The following ANKRD31 variants were observed in gnomAD, a reference collection of about 807,000 sequenced individuals.
ANKRD31 encodes the protein ankyrin repeat domain 31, also known as ankyrin repeat domain-containing protein 31.
A neutral mutation model predicts 186.0 loss-of-function variants in ANKRD31; 147 were observed. That is an observed-to-expected ratio of 0.79 (90% CI 0.69 to 0.91). ANKRD31 has a LOEUF of 0.91. Ranked by LOEUF, ANKRD31 falls within the 40% of genes least tolerant of loss-of-function variation. The pLI is 0.00. For missense variants in ANKRD31, 1,986 were observed against 2,148.8 expected (o/e 0.92, Z 1.50); for synonymous variants, 673 against 736.4 (o/e 0.91, Z 1.39).
At chr5:75,079,905 C>G (rs944734734) in intron 25 of ANKRD31, among the ~76,000 whole-genome samples, 1 of 152,066 alleles carries the variant, frequency 6.6e-6, no homozygotes, top group Non-Finnish European at 1.5e-5. Flanking sequence ...GAGTTCGAGA[C>G]CAGCCTGGGC....
chr5:75,071,650 C>G (rs1350898127), intron 25 of ANKRD31, among the ~76,000 whole-genome samples: 1 of 152,012 alleles, frequency 6.6e-6, no homozygotes, highest in Non-Finnish European at 1.5e-5. Context: ...CACCCACCAC[C>G]ACGCCCGGCT....
At chr5:75,106,442 G>T (rs1747337001) in intron 21 of ANKRD31, among the ~76,000 whole-genome samples, 1 of 152,002 alleles carries the variant, frequency 6.6e-6, no homozygotes, top group Admixed American at 6.6e-5. Context: ...GAAAAAGTCA[G>T]CAAGAAGAAG....
At position 75,119,269 on chromosome 5, in the gene ANKRD31, G is replaced by A. The variant is rs143068267; in HGVS notation, c.3877-972C>T. On this transcript the variant is annotated intron_variant, in intron 17 of 25. Transcript: ENST00000506364. The stretch of plus-strand genomic sequence containing the variant: ...CCGTCCTCCCTCTCTCCCCTACCTC[G>A]TAGTCTCAGTATCTACTGTTCTCAT... Among the ~76,000 whole-genome samples, 91 of 152,132 alleles carry A rather than the reference G, an allele frequency of 6.0e-4. 1 individual carries two copies. Among genetic ancestry groups the A allele is most frequent in the African/African-American group, 2.0e-3 (85 of 41,510 alleles).
At chr5:75,231,842 T>C (rs1757968842) in intron 1 of ANKRD31, among the ~76,000 whole-genome samples, 1 of 151,762 alleles carries the variant, frequency 6.6e-6, no homozygotes, top group Admixed American at 6.6e-5. Flanking sequence ...AGTTCAAGGC[T>C]GCAGTGAGCT....
chr5:75,219,104 C>T (rs1757137265), intron 3 of ANKRD31, among the ~76,000 whole-genome samples: 1 of 152,168 alleles, frequency 6.6e-6, no homozygotes, highest in Non-Finnish European at 1.5e-5. Context: ...TCTCTCACCA[C>T]TCCTATTCAA....
rs1196813273 is a variant in ANKRD31 at position 75,230,570 on chromosome 5, A to G, written c.170T>C (p.Met57Thr). 8 of 1,536,122 alleles carry G rather than the reference A, an allele frequency of 5.2e-6. No individual in the cohort carries two copies. The African/African-American group carries it at 8.2e-5, about 16-fold the overall frequency. The change falls in exon 2 of 26, where the codon ATG (methionine) becomes ACG (threonine). Residue 57 changes from methionine (M) to threonine (T), a missense_variant. Transcript: ENST00000506364. Reference sequence around the variant, plus strand: ...AAAAGAATCATTCTCACCTTTGCACATTCCTCTTGTATCAGGATGCAGACT... The same window carrying G: ...AAAAGAATCATTCTCACCTTTGCACGTTCCTCTTGTATCAGGATGCAGACT... ...EFSLHPDTRG[M>T]CKGMPSPEIQ... is the part of the protein sequence containing the mutation.
chr5:75,105,820 C>T (rs1011948958), intron 21 of ANKRD31, among the ~76,000 whole-genome samples: 5 of 152,202 alleles, frequency 3.3e-5, no homozygotes, highest in African/African-American at 1.2e-4. Flanking sequence ...GAGGGACTAC[C>T]GAGGAAAGCA....
At position 75,091,327 on chromosome 5, in the gene ANKRD31, T is replaced by C; in HGVS notation, c.5406A>G (p.Pro1802=). The C allele has an allele frequency of 2.0e-6, 3 of 1,537,158 alleles. No individual in the cohort carries two copies. The highest frequency in any genetic ancestry group is 2.6e-6 in the Non-Finnish European group (3 of 1,146,874). The stretch of plus-strand genomic sequence containing the variant: ...CCAGAAGATCCTTGAGCCAGGTGAC[T>C]GGGTTTTTATAAATCTGACCACTTT... The part of the protein sequence containing the change: ...KVESGQIYKN[P]VTWLKDLLGG... Residue 1802 remains proline (P), a synonymous_variant, in exon 23 of 26, where the codon CCA becomes CCG. Transcript: ENST00000506364.
At position 75,147,240 on chromosome 5, in the gene ANKRD31, A is replaced by G. The variant is rs1187715454; in HGVS notation, c.2171T>C (p.Val724Ala). Residue 724 changes from valine to alanine, a missense_variant, in exon 14 of 26, where the codon GTA becomes GCA. Val to Ala is a moderately conservative substitution (Grantham distance 64). Transcript: ENST00000506364. ...TTTTCTTCTTCCTATACCTTTTGGT[A>G]CGTTTGTGTTGGGATCTTTGACGTT... ...LHNVKDPNTNVPKGIGRRKTQ... is the reference protein window; with the variant it reads ...LHNVKDPNTNAPKGIGRRKTQ... The G allele has an allele frequency of 6.5e-7, 1 of 1,536,236 alleles. No homozygotes were observed. Among genetic ancestry groups the G allele is most frequent in the Non-Finnish European group, 8.7e-7 (1 of 1,146,300 alleles).
At chr5:75,158,800 G>C (rs1159216851) in intron 11 of ANKRD31, among the ~76,000 whole-genome samples, 1 of 151,884 alleles carries the variant, frequency 6.6e-6, no homozygotes, top group East Asian at 1.9e-4. Flanking sequence ...TCAAAAGAGA[G>C]AGAGATAGTG....
At chr5:75,127,656 C>G (rs1749358337) in intron 17 of ANKRD31, among the ~76,000 whole-genome samples, 1 of 152,180 alleles carries the variant, frequency 6.6e-6, no homozygotes, top group Non-Finnish European at 1.5e-5. Context: ...ATCAGCCTAA[C>G]AATTTCTTCA....
At chr5:75,167,395 G>A (rs889931360) in intron 11 of ANKRD31, among the ~76,000 whole-genome samples, 1 of 152,210 alleles carries the variant, frequency 6.6e-6, no homozygotes, top group Non-Finnish European at 1.5e-5. Flanking sequence ...AGGCATTTCA[G>A]CAATCCAATA....
chr5:75,165,991 T>C (rs1752893623), intron 11 of ANKRD31, among the ~76,000 whole-genome samples: 1 of 152,188 alleles, frequency 6.6e-6, no homozygotes, highest in Non-Finnish European at 1.5e-5. Flanking sequence ...TTAGGTGAAA[T>C]GATATCGCGA....
chr5:75,183,677 T>C (rs974233396), intron 10 of ANKRD31, among the ~76,000 whole-genome samples: 1 of 151,740 alleles, frequency 6.6e-6, no homozygotes. Flanking sequence ...TACCAAAAAA[T>C]AAAATACCTA....
At chr5:75,148,522 A>G (rs1751629108) in intron 13 of ANKRD31, 54 bp downstream of exon 13, 1 of 1,258,670 alleles carries the variant, frequency 7.9e-7, no homozygotes, top group Non-Finnish European at 1.1e-6. Flanking sequence ...CAATCTATGA[A>G]ACAACCAGAA....
chr5:75,120,951 G>A (rs766302091), intron 17 of ANKRD31, among the ~76,000 whole-genome samples: 11 of 152,104 alleles, frequency 7.2e-5, no homozygotes, highest in African/African-American at 1.4e-4. Flanking sequence ...TTGGGAGGCC[G>A]AGACAGGCGG....
rs1270604145 is a variant in ANKRD31, at chr5:75,153,034, A to G, written c.1852+1167T>C. On this transcript the variant is annotated intron_variant, in intron 12 of 25. Coordinates refer to ENST00000506364, the MANE Select transcript of ANKRD31 (RefSeq NM_001372053.1). Reference sequence around the variant, plus strand: ...TATCACTTTTAAGATTAGGTTATGAAAAGACTGGCTTTTGTCTAAGGTACA... The same window carrying G: ...TATCACTTTTAAGATTAGGTTATGAGAAGACTGGCTTTTGTCTAAGGTACA... Among the ~76,000 whole-genome samples the G allele has an allele frequency of 2.6e-5, 4 of 152,002 alleles. No individual in the cohort carries two copies. The East Asian group carries it at 7.7e-4, about 29-fold the overall frequency.
At chr5:75,204,454 G>A (rs988151425) in intron 5 of ANKRD31, among the ~76,000 whole-genome samples, 2 of 152,098 alleles carry the variant, frequency 1.3e-5, no homozygotes, top group African/African-American at 4.8e-5. Context: ...TGTTTTGTCC[G>A]AGAATGCTTT....
At chr5:75,079,267 G>A (rs887009679) in intron 25 of ANKRD31, among the ~76,000 whole-genome samples, 2 of 152,094 alleles carry the variant, frequency 1.3e-5, no homozygotes, top group Admixed American at 6.5e-5. Flanking sequence ...CCATGTATCC[G>A]AAATGATATG....
Sources: gnomAD v4.1 joint callset for allele counts (sites outside exome capture counted in the v4.1 genomes callset) on GRCh38, gnomAD v4.1.1 for gene constraint, MANE v1.5 for transcripts, NCBI Gene and HGNC (gene_info 2026-07-23, HGNC 2026-07-21) for gene names.